CDK5RAP2: variants seen among roughly 807,000 people sequenced by gnomAD.
CDK5RAP2 encodes the protein CDK5 regulatory subunit-associated protein 2.
In CDK5RAP2, 147 loss-of-function variants were observed where a neutral mutation model predicts 232.9. The ratio of observed to expected loss-of-function variants is 0.63; its 90% confidence interval spans 0.55 to 0.72. The LOEUF (loss-of-function observed/expected upper bound fraction) is 0.72, where lower values mean the gene tolerates loss of function less well. CDK5RAP2 is among the 30% of genes least tolerant of loss of function. The pLI is 0.00. For synonymous variants in CDK5RAP2, 833 were observed against 833.7 expected (o/e 1.00, Z 0.01); for missense variants, 2,195 against 2,231.5 (o/e 0.98, Z 0.33).
chr9:120,407,136 G>A lies in CDK5RAP2; in HGVS notation c.4839C>T (p.Ser1613=). Residue 1613 remains serine, a synonymous_variant, in exon 32 of 38, where the codon AGC becomes AGT. Coordinates refer to ENST00000349780, the MANE Select transcript of CDK5RAP2 (RefSeq NM_018249.6). ...LQLERSIETS[S]TLQSRLKEQL... Reference sequence around the variant, plus strand: ...GTTCCTTGAGCCTGCTCTGCAGAGTGCTGCTGGTTTCGATGCTCCTTTCTA... The same window carrying A: ...GTTCCTTGAGCCTGCTCTGCAGAGTACTGCTGGTTTCGATGCTCCTTTCTA... The A allele has an allele frequency of 1.2e-6, 2 of 1,614,068 alleles. No individual in the cohort carries two copies. The highest frequency in any genetic ancestry group is 1.7e-6 in the Non-Finnish European group (2 of 1,180,018).
chr9:120,403,582 C>T lies in CDK5RAP2; in HGVS notation c.5041+454G>A. 3.6e-6 allele frequency: 1 copy of T among 278,122 alleles called. No homozygotes were observed. The highest frequency in any genetic ancestry group is 7.0e-6 in the Non-Finnish European group (1 of 143,188). The allele number at this position is 278,122 out of a possible 1,614,324, so 17.2% of individuals were successfully genotyped here. ...ACCAAGGACAGCAGCAAAGGCATGTCACAGAGAAATGTGTATTCATGATGA... is the reference window on the plus strand; with the variant it reads ...ACCAAGGACAGCAGCAAAGGCATGTTACAGAGAAATGTGTATTCATGATGA... On this transcript the variant is annotated intron_variant, in intron 33 of 37. Transcript: ENST00000349780. The surrounding 1 kb of genome is among the most constrained non-coding windows in gnomAD (Gnocchi z 4.2).
At position 120,475,398 on chromosome 9, in the gene CDK5RAP2, GC is replaced by G. The variant is rs752260297; in HGVS notation, c.1727+1951del. On this transcript the variant is annotated intron_variant, in intron 15 of 37. Coordinates refer to ENST00000349780, the MANE Select transcript of CDK5RAP2 (RefSeq NM_018249.6). ...CCAAGTTTTCATTCATTAAGAAAGA[GC>G]CTGTGAAACTTGGGAGCCCCTCATG... is the stretch of plus-strand genomic sequence containing the variant. 7.4e-4 allele frequency among the ~76,000 whole-genome samples: 112 copies of G among 152,178 alleles called. 2 individuals carry two copies. Among genetic ancestry groups the G allele is most frequent in the Non-Finnish European group, 1.8e-4 (12 of 68,030 alleles).
At chr9:120,460,895 A>G in intron 18 of CDK5RAP2, 2 of 674,998 alleles carry the variant, frequency 3.0e-6, no homozygotes, top group Non-Finnish European at 4.8e-6. Context: ...TTTAAGGACA[A>G]ATTCCCCAAG....
At chr9:120,573,486 T>C (rs767409023) in intron 1 of CDK5RAP2, among the ~76,000 whole-genome samples, 2 of 151,154 alleles carry the variant, frequency 1.3e-5, no homozygotes, top group South Asian at 2.1e-4. Context: ...GAGGCAGAGG[T>C]TGAAGTGAGC....
intron 30 of CDK5RAP2, 143 bp from the exon 31 acceptor site, chr9:120,408,611 T>C: frequency 6.6e-6 from 6 of 906,852 alleles, no homozygotes; most frequent in Non-Finnish European, 7.0e-6. Flanking sequence ...GAATTCCATG[T>C]GCTCTCTAAT....
chr9:120,413,836 G>GA (rs1366146571), intron 28 of CDK5RAP2, among the ~76,000 whole-genome samples: 4 of 145,300 alleles, frequency 2.8e-5, no homozygotes, highest in African/African-American at 5.0e-5. Flanking sequence ...AGGGAGGAGG[G>GA]AGGAGGGAAG....
At chr9:120,399,306 TGTTCA>T (rs1361993077) in intron 35 of CDK5RAP2, among the ~76,000 whole-genome samples, 20 of 152,198 alleles carry the variant, frequency 1.3e-4, no homozygotes, top group African/African-American at 4.3e-4. Context: ...AAGGGTCAAC[TGTTCA>T]GTTCAGACAT....
chr9:120,492,151 C>T (rs1160793433), intron 12 of CDK5RAP2, among the ~76,000 whole-genome samples: 1 of 151,968 alleles, frequency 6.6e-6, no homozygotes. Context: ...GTACTATTTG[C>T]AATACTGAAG....
In CDK5RAP2 at chr9:120,501,336, T is replaced by G. The variant is rs1022841536; in HGVS notation, c.1312-9859A>C. Reference sequence around the variant, plus strand: ...GACCAGTCTTCCCTGACCATCCACCTTACTCTCCATATTCCTTCCCTTCAC... The same window carrying G: ...GACCAGTCTTCCCTGACCATCCACCGTACTCTCCATATTCCTTCCCTTCAC... On this transcript the variant is annotated intron_variant, in intron 12 of 37. Coordinates refer to ENST00000349780, the MANE Select transcript of CDK5RAP2 (RefSeq NM_018249.6). Among the ~76,000 whole-genome samples, 43 of 152,336 alleles carry G rather than the reference T, an allele frequency of 2.8e-4. 1 individual carries two copies. The highest frequency in any genetic ancestry group is 6.8e-3 in the Middle Eastern group (2 of 294).
At chr9:120,579,882 C>T (rs772561569) in intron 1 of CDK5RAP2, 38 bp downstream of exon 1, 6 of 1,569,606 alleles carry the variant, frequency 3.8e-6, no homozygotes, top group South Asian at 1.1e-5. Context: ...GCTGGAACCC[C>T]GGCCCGGTTA....
chr9:120,561,781 T>A (rs1018544450), intron 3 of CDK5RAP2, among the ~76,000 whole-genome samples: 2 of 152,240 alleles, frequency 1.3e-5, no homozygotes, highest in Admixed American at 6.5e-5. Context: ...GTATTTTTCA[T>A]ATTGTGGCAG....
chr9:120,462,161 G>T (rs1465335582), intron 18 of CDK5RAP2, among the ~76,000 whole-genome samples: 1 of 152,162 alleles, frequency 6.6e-6, no homozygotes, highest in Non-Finnish European at 1.5e-5. Context: ...CAGAAGTGAT[G>T]ATCAAAAACC....
At chr9:120,454,000 AC>A in intron 20 of CDK5RAP2, 127 bp from the exon 21 acceptor site, 1 of 935,596 alleles carries the variant, frequency 1.1e-6, no homozygotes, top group Non-Finnish European at 1.7e-6. Flanking sequence ...TACAGTGTGT[AC>A]CCACAACGTG....
At chr9:120,430,400 C>G (rs959855292) in intron 25 of CDK5RAP2, among the ~76,000 whole-genome samples, 1 of 149,876 alleles carries the variant, frequency 6.7e-6, no homozygotes, top group Non-Finnish European at 1.5e-5. Context: ...ACAATGAACT[C>G]AAACAAATTT....
chr9:120,469,220 G>C (rs937748137), intron 17 of CDK5RAP2, among the ~76,000 whole-genome samples: 11 of 152,078 alleles, frequency 7.2e-5, no homozygotes, highest in Non-Finnish European at 1.2e-4. Context: ...TGCTGAGAAA[G>C]TGGAGACCTG....
At chr9:120,397,544 T>TTAA (rs2032590582) in intron 35 of CDK5RAP2, among the ~76,000 whole-genome samples, 1 of 49,194 alleles carries the variant, frequency 2.0e-5, no homozygotes. Flanking sequence ...AAAACATTCT[T>TTAA]AAAAAAAAAA....
chr9:120,528,067 GAACATA>G, intron 9 of CDK5RAP2, 142 bp from the exon 10 acceptor site: 2 of 1,189,812 alleles, frequency 1.7e-6, no homozygotes, highest in Non-Finnish European at 2.4e-6. Flanking sequence ...AAGTGGAGCT[GAACATA>G]GTGCCATCAG....
At position 120,389,138 on chromosome 9, in the gene CDK5RAP2, A is replaced by G. The variant is rs2031672273; in HGVS notation, c.*98T>C. On this transcript the variant is annotated 3_prime_UTR_variant, in exon 38 of 38. Transcript: ENST00000349780. ...AAAAATAGATTTCCTTTGGCCAGAC[A>G]GCTCTTTCTTCCTCAATAAATAGGA... 1 of 1,007,728 alleles carries G rather than the reference A, an allele frequency of 9.9e-7. No homozygotes were observed. The highest frequency in any genetic ancestry group is 1.5e-6 in the Non-Finnish European group (1 of 655,400). The allele number at this position is 1,007,728 out of a possible 1,614,324, so 62.4% of individuals were successfully genotyped here. A position where few individuals can be genotyped will look rare whatever the true frequency, so the allele number is the denominator to read the frequency against.
intron 4 of CDK5RAP2, among the ~76,000 whole-genome samples, chr9:120,549,812 GA>G (rs2041985890): frequency 6.6e-6 from 1 of 152,146 alleles, no homozygotes; most frequent in Non-Finnish European, 1.5e-5. Context: ...CTCCCTTCCA[GA>G]AAAGGGGACA....
Sources: allele counts gnomAD v4.1 joint callset (sites outside exome capture counted in the v4.1 genomes callset), GRCh38; gene constraint gnomAD v4.1.1; non-coding constraint Gnocchi (gnomAD v3.1); transcripts MANE v1.5; gene names NCBI Gene and HGNC (gene_info 2026-07-23, HGNC 2026-07-21).